NOS2: variants seen among roughly 807,000 people sequenced by gnomAD.
NOS2 encodes the protein nitric oxide synthase 2, also known as nitric oxide synthase, inducible.
A neutral mutation model predicts 136.0 loss-of-function variants in NOS2; 96 were observed. The ratio of observed to expected loss-of-function variants is 0.71; its 90% CI spans 0.60 to 0.84. The LOEUF is 0.84. Ranked by LOEUF, NOS2 falls within the 40% of genes least tolerant of loss-of-function variation. The pLI is 0.00. For missense variants in NOS2, 1,237 were observed against 1,496.9 expected (o/e 0.83, Z 2.87); for synonymous variants, 539 against 587.5 (o/e 0.92, Z 1.20).
At chr17:27,797,557 T>C (rs1360954939) in intron 2 of NOS2, among the ~76,000 whole-genome samples, 2 of 152,246 alleles carry the variant, frequency 1.3e-5, no homozygotes, top group African/African-American at 4.8e-5. Flanking sequence ...CTCTGACAGA[T>C]ACACTCAGGG....
intron 17 of NOS2, 27 bp downstream of exon 17, chr17:27,768,950 G>A (rs374621342): frequency 6.4e-7 from 1 of 1,568,952 alleles, no homozygotes; most frequent in Non-Finnish European, 8.6e-7. Flanking sequence ...TGTCCCTGCT[G>A]TGGGGCAGCT....
intron 5 of NOS2, among the ~76,000 whole-genome samples, chr17:27,785,731 G>A (rs1027994799): frequency 6.6e-6 from 1 of 152,060 alleles, no homozygotes; most frequent in Non-Finnish European, 1.5e-5. Context: ...GCCAAGGCAG[G>A]AGGATCGCTT....
intron 9 of NOS2, 28 bp downstream of exon 9, chr17:27,780,739 T>G (rs201444987): frequency 6.2e-6 from 10 of 1,614,042 alleles, no homozygotes; most frequent in Non-Finnish European, 8.5e-6. Flanking sequence ...TGACTCGCCC[T>G]TGCCCCCAGC....
chr17:27,766,177 C>T (rs1177271847), intron 19 of NOS2, among the ~76,000 whole-genome samples: 1 of 152,224 alleles, frequency 6.6e-6, no homozygotes, highest in African/African-American at 2.4e-5. Flanking sequence ...CCTTCCCTGC[C>T]AACACTTTTC....
At chr17:27,798,053 T>C (rs1909409188) in intron 2 of NOS2, among the ~76,000 whole-genome samples, 1 of 152,158 alleles carries the variant, frequency 6.6e-6, no homozygotes. Context: ...TAGATGGTGA[T>C]GAACCCTGAT....
chr17:27,770,378 C>G (rs769620973), intron 15 of NOS2, among the ~76,000 whole-genome samples: 1 of 152,006 alleles, frequency 6.6e-6, no homozygotes, highest in Non-Finnish European at 1.5e-5. Flanking sequence ...CGCAGCTACT[C>G]GGGAGGCTGA....
intron 6 of NOS2, 111 bp downstream of exon 6, chr17:27,782,833 A>T: frequency 9.4e-7 from 1 of 1,067,864 alleles, no homozygotes; most frequent in Non-Finnish European, 1.4e-6. Flanking sequence ...ATCCAGGGCC[A>T]TGGCTTCAGT....
At chr17:27,785,207 T>TA (rs970969365) in intron 5 of NOS2, among the ~76,000 whole-genome samples, 3 of 152,074 alleles carry the variant, frequency 2.0e-5, no homozygotes, top group African/African-American at 4.8e-5. Flanking sequence ...GCCTTGTCTG[T>TA]AAGATGAGGA....
At chr17:27,789,891 A>G (rs574773491) in intron 2 of NOS2, among the ~76,000 whole-genome samples, 2 of 152,278 alleles carry the variant, frequency 1.3e-5, no homozygotes, top group Admixed American at 1.3e-4. Context: ...CGCAGAGCCA[A>G]AAGGGCATGA....
intron 11 of NOS2, 45 bp downstream of exon 11, chr17:27,778,645 G>T: frequency 1.4e-6 from 2 of 1,472,912 alleles, no homozygotes; most frequent in Non-Finnish European, 9.5e-7. Context: ...GATCAGTTAA[G>T]CTTCTCACCA....
chr17:27,778,044 A>C (rs976433241), intron 11 of NOS2, among the ~76,000 whole-genome samples: 4 of 152,170 alleles, frequency 2.6e-5, no homozygotes, highest in Middle Eastern at 3.4e-3. Flanking sequence ...CAAAAAAAAA[A>C]AAAGGAAAAG....
intron 19 of NOS2, among the ~76,000 whole-genome samples, chr17:27,766,309 T>C (rs1263119496): frequency 6.6e-6 from 1 of 152,172 alleles, no homozygotes; most frequent in Non-Finnish European, 1.5e-5. Context: ...GCTGGAAAAG[T>C]GGCTCGTGGT....
At chr17:27,773,567 A>C (rs1421182817) in intron 12 of NOS2, among the ~76,000 whole-genome samples, 3 of 152,210 alleles carry the variant, frequency 2.0e-5, no homozygotes, top group Non-Finnish European at 4.4e-5. Context: ...CATAATGTAC[A>C]GTCCCAACCG....
chr17:27,799,058 C>T (rs1171154862), intron 1 of NOS2, among the ~76,000 whole-genome samples, 176 bp from the exon 2 acceptor site: 1 of 152,162 alleles, frequency 6.6e-6, no homozygotes, highest in African/African-American at 2.4e-5. Flanking sequence ...CGGACACAGA[C>T]TTCAATTCTG....
At chr17:27,777,407 C>G (rs1908693723) in intron 11 of NOS2, among the ~76,000 whole-genome samples, 1 of 152,158 alleles carries the variant, frequency 6.6e-6, no homozygotes, top group Admixed American at 6.5e-5. Context: ...TGAGTAAGAG[C>G]AGCGGATGGG....
intron 20 of NOS2, among the ~76,000 whole-genome samples, chr17:27,765,116 T>C (rs1318315832): frequency 6.6e-6 from 1 of 152,162 alleles, no homozygotes; most frequent in Admixed American, 6.5e-5. Context: ...GTGGCTGGGA[T>C]TGGGATAACA....
intron 2 of NOS2, among the ~76,000 whole-genome samples, chr17:27,795,903 T>C (rs1278731902): frequency 6.6e-6 from 1 of 151,924 alleles, no homozygotes; most frequent in Non-Finnish European, 1.5e-5. Flanking sequence ...CTCCCTGGAG[T>C]CTGAACTCAT....
chr17:27,788,365 T>C (rs564059027), intron 4 of NOS2, among the ~76,000 whole-genome samples: 37 of 152,294 alleles, frequency 2.4e-4, no homozygotes, highest in African/African-American at 8.4e-4. Context: ...AAAACTTACA[T>C]GACAGAAAGA....
intron 22 of NOS2, among the ~76,000 whole-genome samples, chr17:27,761,783 G>A (rs2151325040): frequency 6.6e-6 from 1 of 152,280 alleles, no homozygotes; most frequent in East Asian, 1.9e-4. Flanking sequence ...AGAAACCCAG[G>A]AGGTCTCTCT....
Sources: gnomAD v4.1 joint callset for allele counts (sites outside exome capture counted in the v4.1 genomes callset) on GRCh38, gnomAD v4.1.1 for gene constraint, MANE v1.5 for transcripts, NCBI Gene and HGNC (gene_info 2026-07-23, HGNC 2026-07-21) for gene names.